The following CNTN4 variants were observed in gnomAD, a reference collection of about 807,000 sequenced individuals.
CNTN4 encodes contactin-4.
Under a neutral mutation model 122.5 loss-of-function variants are expected in CNTN4, and 77 were observed. That is an observed-to-expected ratio of 0.63 (90% confidence interval 0.52 to 0.76). The LOEUF is 0.76. Among genes scored for constraint, CNTN4 ranks in the 30% least tolerant of loss-of-function variants. The pLI is 0.00. For missense variants in CNTN4, 1,256 were observed against 1,259.1 expected, an observed-to-expected ratio of 1.00 and a Z score of 0.04; for synonymous variants, 512 against 447.0, an observed-to-expected ratio of 1.15 and a Z score of -1.83.
intron 8 of CNTN4, chr3:2,882,909 C>T (rs749627129): frequency 4.4e-6 from 2 of 450,554 alleles, no homozygotes; most frequent in Non-Finnish European, 8.2e-6. Flanking sequence ...AAGTTGTATG[C>T]ATGGAGAATT....
At chr3:2,985,610 C>A (rs559120773) in intron 13 of CNTN4, 5 of 152,546 alleles carry the variant, frequency 3.3e-5, no homozygotes, top group African/African-American at 1.2e-4. Context: ...CCACCAGAAG[C>A]ATGGGTCACC....
At chr3:2,869,288 C>G (rs551879188) in intron 8 of CNTN4, among the ~76,000 whole-genome samples, 1 of 152,092 alleles carries the variant, frequency 6.6e-6, no homozygotes, top group South Asian at 2.1e-4. Flanking sequence ...AATCAGAATA[C>G]TACTGCAATT....
chr3:2,803,196 T>C (rs766579419), intron 6 of CNTN4, among the ~76,000 whole-genome samples: 2 of 152,186 alleles, frequency 1.3e-5, no homozygotes, highest in Non-Finnish European at 2.9e-5. Flanking sequence ...AAACCAACTT[T>C]ATTAATCATC....
intron 2 of CNTN4, among the ~76,000 whole-genome samples, chr3:2,154,606 A>G (rs1574954302): frequency 6.6e-6 from 1 of 152,192 alleles, no homozygotes; most frequent in East Asian, 1.9e-4. Flanking sequence ...AACAACAGCA[A>G]AACAGACTTT....
chr3:2,665,813 G>T (rs2084126293), intron 4 of CNTN4, among the ~76,000 whole-genome samples: 1 of 152,082 alleles, frequency 6.6e-6, no homozygotes, highest in African/African-American at 2.4e-5. Flanking sequence ...AAAAATATGG[G>T]GTATCCACAT....
At chr3:2,756,082 C>A (rs2090323915) in intron 6 of CNTN4, among the ~76,000 whole-genome samples, 1 of 152,196 alleles carries the variant, frequency 6.6e-6, no homozygotes, top group South Asian at 2.1e-4. Context: ...CTAATTATAT[C>A]AATATCCTTT....
At chr3:2,342,770 A>C (rs1314285767) in intron 3 of CNTN4, among the ~76,000 whole-genome samples, 2 of 152,186 alleles carry the variant, frequency 1.3e-5, no homozygotes, top group Non-Finnish European at 2.9e-5. Context: ...CTGAAGTGTG[A>C]GTCAATTAAA....
chr3:2,429,331 G>A (rs899369854), intron 3 of CNTN4, among the ~76,000 whole-genome samples: 9 of 152,196 alleles, frequency 5.9e-5, no homozygotes, highest in African/African-American at 2.2e-4. Context: ...GTCTGTTGGA[G>A]TTTGCTGGAG....
chr3:2,492,761 A>G (rs2076353007), intron 3 of CNTN4, among the ~76,000 whole-genome samples: 1 of 152,174 alleles, frequency 6.6e-6, no homozygotes, highest in Non-Finnish European at 1.5e-5. Flanking sequence ...AATGAAGCAA[A>G]TAAACTTGGA....
intron 3 of CNTN4, among the ~76,000 whole-genome samples, chr3:2,499,351 T>C (rs1353077938): frequency 6.6e-6 from 1 of 152,192 alleles, no homozygotes; most frequent in African/African-American, 2.4e-5. Context: ...TGACTACTAA[T>C]GGATATAGAG....
chr3:2,745,654 G>T lies in CNTN4; in HGVS notation c.315G>T (p.Ser105=), dbSNP rs116041691. The change falls in exon 6 of 25, where the codon TCG becomes TCT. Residue 105 remains serine (S), a synonymous_variant. Transcript: ENST00000418658. ...AGTYQCTATN[S]FGTIVSREAK... is the part of the protein sequence containing the mutation. The stretch of plus-strand genomic sequence containing the variant: ...CGTACCAGTGCACAGCGACAAACTC[G>T]TTTGGAACAATTGTTAGCAGAGAAG... The T allele has an allele frequency of 1.2e-6, 2 of 1,613,926 alleles. No homozygotes were observed. Among genetic ancestry groups the T allele is most frequent in the Non-Finnish European group, 1.7e-6 (2 of 1,179,958 alleles).
At chr3:2,662,739 T>A (rs895194793) in intron 4 of CNTN4, among the ~76,000 whole-genome samples, 2 of 152,142 alleles carry the variant, frequency 1.3e-5, no homozygotes. Flanking sequence ...ATCATGGCAC[T>A]ATTGACACCC....
intron 3 of CNTN4, among the ~76,000 whole-genome samples, chr3:2,384,739 A>G (rs1471620091): frequency 6.6e-6 from 1 of 150,598 alleles, no homozygotes; most frequent in Non-Finnish European, 1.5e-5. Flanking sequence ...TGGCTCCTAC[A>G]CCAGTAACAA....
intron 13 of CNTN4, among the ~76,000 whole-genome samples, chr3:2,945,016 A>G (rs1014180448): frequency 2.6e-5 from 4 of 152,038 alleles, no homozygotes; most frequent in African/African-American, 7.2e-5. Context: ...TCAGATCATC[A>G]CCTATAAGGG....
chr3:2,146,921 C>T (rs1467249690), intron 2 of CNTN4, among the ~76,000 whole-genome samples: 12 of 152,210 alleles, frequency 7.9e-5, no homozygotes, highest in Admixed American at 4.6e-4. Context: ...CTCACTCTGT[C>T]GCCCAGGCTG....
Position 2,961,230 on chromosome 3 carries a change from A to C in CNTN4, c.1359-27115A>C, listed in dbSNP as rs1407857943. 8.9e-5 allele frequency among the ~76,000 whole-genome samples: 12 copies of C among 134,652 alleles called. 1 individual carries two copies. Among genetic ancestry groups the C allele is most frequent in the African/African-American group, 3.0e-4 (11 of 36,700 alleles). 88.3% of individuals were successfully genotyped at this position (134,652 alleles called of 152,430 possible). A position where few individuals can be genotyped will look rare whatever the true frequency, so the allele number is the denominator to read the frequency against. ...GGGCGACAGAACGAGACTCCATCTC[A>C]CAAAAAAAAAAAAAAAAAAAGGCCT... On this transcript the variant is annotated intron_variant, in intron 13 of 24. Transcript: ENST00000418658.
intron 4 of CNTN4, among the ~76,000 whole-genome samples, chr3:2,722,345 T>C (rs73009821): frequency 0.18 from 27,846 of 152,090 alleles, 2,974 homozygotes; most frequent in East Asian, 0.4. Flanking sequence ...ACTCAGTAAA[T>C]ACTTGTTGAA....
chr3:2,228,325 A>G (rs11713927), intron 2 of CNTN4, among the ~76,000 whole-genome samples: 29,726 of 151,886 alleles, frequency 0.2, 3,418 homozygotes, highest in South Asian at 0.36. Context: ...TTCATTCACA[A>G]TAAAATTATA....
chr3:2,523,364 A>AT (rs1169743750), intron 3 of CNTN4, among the ~76,000 whole-genome samples: 1 of 142,804 alleles, frequency 7.0e-6, no homozygotes, highest in East Asian at 2.0e-4. Flanking sequence ...CTTAAAAAAA[A>AT]AAAAAAAACA....
Sources: allele counts gnomAD v4.1 joint callset (sites outside exome capture counted in the v4.1 genomes callset), GRCh38; gene constraint gnomAD v4.1.1; transcripts MANE v1.5; gene names NCBI Gene and HGNC (gene_info 2026-07-23, HGNC 2026-07-21).